RASSF1: variants seen among roughly 807,000 people sequenced by gnomAD.
RASSF1 encodes ras association domain-containing protein 1.
A neutral mutation model predicts 34.3 loss-of-function variants in RASSF1; 33 were observed. That is an observed-to-expected ratio of 0.96 (90% CI 0.73 to 1.29). The LOEUF (loss-of-function observed/expected upper bound fraction) is 1.29, where lower values mean the gene tolerates loss of function less well. Ranked by LOEUF, RASSF1 falls within the 50% of genes most tolerant of loss-of-function variation. The pLI, the probability that RASSF1 is intolerant of heterozygous loss-of-function variation, is 0.00. For synonymous variants in RASSF1, 191 were observed against 195.0 expected (o/e 0.98, Z 0.17); for missense variants, 445 against 471.8 (o/e 0.94, Z 0.53).
chr3:50,337,382 G>T, intron 2 of RASSF1: 15 of 1,595,698 alleles, frequency 9.4e-6, no homozygotes, highest in Non-Finnish European at 1.3e-5. Flanking sequence ...CCCCGGTCGC[G>T]TGCGTGCGTG....
At chr3:50,340,016 G>C (rs1174394934) in intron 1 of RASSF1, among the ~76,000 whole-genome samples, 5 of 152,192 alleles carry the variant, frequency 3.3e-5, no homozygotes, top group Non-Finnish European at 7.3e-5. Flanking sequence ...CGATTCCCAG[G>C]GGTGCAGAAG....
At chr3:50,334,630 A>G (rs1331507330) in intron 2 of RASSF1, among the ~76,000 whole-genome samples, 1 of 152,148 alleles carries the variant, frequency 6.6e-6, no homozygotes, top group East Asian at 1.9e-4. Context: ...CTGAGCTCCT[A>G]CCTAACAATG....
At position 50,333,156 on chromosome 3, in the gene RASSF1, T is replaced by C. The variant is rs116191624; in HGVS notation, c.358-1002A>G. ...GCACATTCTGATCACAGCACCCTAG[T>C]TGAGTTGGAGTGAGGGTTTGTCCTG... On this transcript the variant is annotated intron_variant, in intron 2 of 5. Coordinates refer to ENST00000359365, the MANE Select transcript of RASSF1 (RefSeq NM_007182.5). 2.6e-3 allele frequency among the ~76,000 whole-genome samples: 400 copies of C among 151,568 alleles called. 1 individual carries two copies. The highest frequency in any genetic ancestry group is 9.2e-3 in the African/African-American group (382 of 41,366).
At chr3:50,332,857 G>A (rs587647918) in intron 2 of RASSF1, among the ~76,000 whole-genome samples, 108 of 152,234 alleles carry the variant, frequency 7.1e-4, no homozygotes, top group Non-Finnish European at 1.3e-3. Context: ...CACTTTGGGA[G>A]GCCGAGGCGG....
At chr3:50,338,206 AC>A (rs1703235242) in intron 1 of RASSF1, 195 bp from the exon 2 acceptor site, 1 of 1,413,190 alleles carries the variant, frequency 7.1e-7, no homozygotes, top group African/African-American at 1.4e-5. Context: ...CCGGAAGGCC[AC>A]AGGCAGAGAG....
At chr3:50,337,230 CTCCGAG>C (rs777125991) in intron 2 of RASSF1, 3 of 1,613,118 alleles carry the variant, frequency 1.9e-6, no homozygotes, top group Non-Finnish European at 2.5e-6. Flanking sequence ...ACTGCTCGAG[CTCCGAG>C]TCCGAGTCCT....
At chr3:50,337,213 G>A (rs1202343978) in intron 2 of RASSF1, 1 of 1,612,954 alleles carries the variant, frequency 6.2e-7, no homozygotes, top group Non-Finnish European at 8.5e-7. Context: ...GGTTCGCGCG[G>A]TGAAGTACTG....
At chr3:50,337,318 A>G (rs1434626010) in intron 2 of RASSF1, 1 of 1,612,148 alleles carries the variant, frequency 6.2e-7, no homozygotes, top group Admixed American at 1.7e-5. Context: ...CGCCTCGCCC[A>G]TAGCCGTACC....
At position 50,330,237 on chromosome 3, in the gene RASSF1, T is replaced by C. The variant is rs1301003974; in HGVS notation, c.*344A>G. Reference sequence around the variant, plus strand: ...ATGAGGGCCGTCACCCCTGCAAACATGACCCTGTTCTGTTTGCAGGGTCTC... The same window carrying C: ...ATGAGGGCCGTCACCCCTGCAAACACGACCCTGTTCTGTTTGCAGGGTCTC... On this transcript the variant is annotated 3_prime_UTR_variant, in exon 6 of 6. Transcript: ENST00000359365. This position sits in a 1 kb window ranked among gnomAD's most constrained non-coding sequence, Gnocchi z 4.5. 8.6e-6 allele frequency: 2 copies of C among 233,400 alleles called. No homozygotes were observed. Among genetic ancestry groups the C allele is most frequent in the African/African-American group, 4.6e-5 (2 of 43,866 alleles). The allele number at this position is 233,400 out of a possible 1,614,324, so 14.5% of individuals were successfully genotyped here.
chr3:50,337,333 C>G, intron 2 of RASSF1: 2 of 1,611,064 alleles, frequency 1.2e-6, no homozygotes, highest in African/African-American at 1.3e-5. Context: ...CGTACCCGCC[C>G]GTCCCCCAGT....
intron 2 of RASSF1, among the ~76,000 whole-genome samples, chr3:50,333,480 AT>A (rs112501291): frequency 1.6e-3 from 234 of 144,584 alleles, no homozygotes; most frequent in East Asian, 4.2e-3. Context: ...TGGCCCAAAG[AT>A]TTTTTTTTTT....
Position 50,330,425 on chromosome 3 carries a change from G to C in RASSF1, c.*156C>G. 1 of 1,051,566 alleles carries C rather than the reference G, an allele frequency of 9.5e-7. No homozygotes were observed. The highest frequency in any genetic ancestry group is 2.5e-5 in the Admixed American group (1 of 39,942). 65.1% of individuals were successfully genotyped at this position (1,051,566 alleles called of 1,614,324 possible). ...CTGGCTACACCCACAGGTGGACACA[G>C]GGAGCAAGCTACTTCGCTGTTCTCT... is the stretch of plus-strand genomic sequence containing the variant. On this transcript the variant is annotated 3_prime_UTR_variant, in exon 6 of 6. Transcript: ENST00000359365. This position sits in a 1 kb window ranked among gnomAD's most constrained non-coding sequence, Gnocchi z 4.5.
intron 2 of RASSF1, chr3:50,337,110 C>T (rs930081915): frequency 3.3e-6 from 5 of 1,495,570 alleles, no homozygotes; most frequent in African/African-American, 1.4e-5. Context: ...GGCAACGGAC[C>T]GGGGAGGGCG....
At chr3:50,334,282 T>C (rs926842911) in intron 2 of RASSF1, among the ~76,000 whole-genome samples, 1 of 152,154 alleles carries the variant, frequency 6.6e-6, no homozygotes, top group African/African-American at 2.4e-5. Flanking sequence ...GGTGGGAATT[T>C]AAGCTCATTT....
chr3:50,331,980 C>T (rs1702963312), intron 3 of RASSF1, 70 bp downstream of exon 3: 1 of 1,584,652 alleles, frequency 6.3e-7, no homozygotes, highest in Non-Finnish European at 8.6e-7. Flanking sequence ...CAGTTGTGAC[C>T]CTCTGAGTAT....
At position 50,331,453 on chromosome 3, in the gene RASSF1, T is replaced by C. The variant is rs1471840925; in HGVS notation, c.761-4A>G. 1 of 1,588,414 alleles carries C rather than the reference T, an allele frequency of 6.3e-7. No homozygotes were observed. Among genetic ancestry groups the C allele is most frequent in the East Asian group, 2.3e-5 (1 of 44,290 alleles). On this transcript the variant is annotated splice_polypyrimidine_tract_variant and splice_region_variant and intron_variant, in intron 4 of 5. Transcript: ENST00000359365. Reference sequence around the variant, plus strand: ...TCCAACAGCTTCCGCAAGTACACTGTGAAGGGGAAGTAATGATCAGAGACA... The same window carrying C: ...TCCAACAGCTTCCGCAAGTACACTGCGAAGGGGAAGTAATGATCAGAGACA...
At chr3:50,331,126 A>G (rs1247792687) in intron 5 of RASSF1, among the ~76,000 whole-genome samples, 1 of 152,218 alleles carries the variant, frequency 6.6e-6, no homozygotes, top group Non-Finnish European at 1.5e-5. Flanking sequence ...TCAAAGCACC[A>G]AGGCAATTCT....
intron 2 of RASSF1, among the ~76,000 whole-genome samples, chr3:50,335,342 A>C (rs1160006809): frequency 1.6e-5 from 2 of 129,002 alleles, no homozygotes; most frequent in Non-Finnish European, 3.1e-5. Flanking sequence ...TTTGAGACAG[A>C]GTCTTGCTCT....
chr3:50,337,582 G>A (rs1703200493), intron 2 of RASSF1: 1 of 1,335,744 alleles, frequency 7.5e-7, no homozygotes, highest in Non-Finnish European at 1.0e-6. Flanking sequence ...CCTACCACAG[G>A]GAACGGGGGC....
Sources: allele counts gnomAD v4.1 joint callset (sites outside exome capture counted in the v4.1 genomes callset), GRCh38; gene constraint gnomAD v4.1.1; non-coding constraint Gnocchi (gnomAD v3.1); transcripts MANE v1.5; gene names NCBI Gene and HGNC (gene_info 2026-07-23, HGNC 2026-07-21).